AGO3: variants seen among roughly 807,000 people sequenced by gnomAD.
AGO3 encodes the protein protein argonaute-3.
Under a neutral mutation model 105.5 loss-of-function variants are expected in AGO3, and 16 were observed. That is an observed-to-expected ratio of 0.15 (90% CI 0.10 to 0.23). The LOEUF is 0.23. AGO3 is among the 10% of genes least tolerant of loss of function. The pLI, the probability that AGO3 is intolerant of heterozygous loss-of-function variation, is 1.00. For missense variants in AGO3, 534 were observed against 1,088.0 expected (o/e 0.49, Z 7.16); for synonymous variants, 340 against 367.3 (o/e 0.93, Z 0.85).
intron 1 of AGO3, among the ~76,000 whole-genome samples, chr1:35,931,850 G>A (rs1323882279): frequency 6.6e-6 from 1 of 152,204 alleles, no homozygotes; most frequent in Non-Finnish European, 1.5e-5. Context: ...TGTGAAGATA[G>A]GCTGAGATAA....
intron 5 of AGO3, among the ~76,000 whole-genome samples, chr1:35,990,721 A>G (rs993426710): frequency 5.9e-5 from 9 of 152,190 alleles, no homozygotes; most frequent in South Asian, 2.1e-4. Context: ...CTAGTAAATA[A>G]AAAATTCTAG....
At chr1:35,965,233 T>C (rs180959603) in intron 2 of AGO3, among the ~76,000 whole-genome samples, 171 of 152,020 alleles carry the variant, frequency 1.1e-3, no homozygotes, top group African/African-American at 3.9e-3. Flanking sequence ...GGCTCATGCC[T>C]CTAATCCCAG....
chr1:36,005,019 A>G (rs1640273713), intron 6 of AGO3, among the ~76,000 whole-genome samples: 1 of 152,168 alleles, frequency 6.6e-6, no homozygotes, highest in Admixed American at 6.6e-5. Flanking sequence ...AAATTTGTAC[A>G]GTGCTGTTGC....
intron 1 of AGO3, among the ~76,000 whole-genome samples, chr1:35,935,564 A>G (rs1267053914): frequency 6.6e-6 from 1 of 152,250 alleles, no homozygotes; most frequent in East Asian, 1.9e-4. Context: ...TCCAATGGGA[A>G]CATTGCGTTT....
intron 13 of AGO3, among the ~76,000 whole-genome samples, chr1:36,035,953 A>G (rs559510580): frequency 1.3e-5 from 2 of 151,536 alleles, no homozygotes; most frequent in Admixed American, 6.6e-5. Context: ...GAATGGCATG[A>G]ACTTGGGAGG....
chr1:36,048,749 G>A (rs548181361), intron 17 of AGO3, among the ~76,000 whole-genome samples: 35 of 152,260 alleles, frequency 2.3e-4, no homozygotes, highest in African/African-American at 8.4e-4. Flanking sequence ...GAGTACAGTG[G>A]TGCAATCTCA....
At chr1:35,931,507 C>T in intron 1 of AGO3, 62 bp downstream of exon 1, 3 of 1,340,942 alleles carry the variant, frequency 2.2e-6, no homozygotes, top group Non-Finnish European at 1.9e-6. Context: ...CTGAGCATCC[C>T]TGCTCCTCCC....
intron 14 of AGO3, among the ~76,000 whole-genome samples, chr1:36,039,252 T>G (rs2148848462): frequency 6.6e-6 from 1 of 152,178 alleles, no homozygotes; most frequent in South Asian, 2.1e-4. Context: ...TCCCAGCACT[T>G]TGGGAGGCCA....
At chr1:35,938,407 A>G (rs1557640542) in intron 1 of AGO3, among the ~76,000 whole-genome samples, 1 of 152,196 alleles carries the variant, frequency 6.6e-6, no homozygotes, top group African/African-American at 2.4e-5. Flanking sequence ...AGATGAAACC[A>G]TTGTTAACTC....
At chr1:35,943,925 T>A (rs1024872629) in intron 1 of AGO3, among the ~76,000 whole-genome samples, 1 of 152,192 alleles carries the variant, frequency 6.6e-6, no homozygotes, top group African/African-American at 2.4e-5. Flanking sequence ...TAACATAATA[T>A]CTTCAAAGTT....
At chr1:35,933,917 G>T (rs1646101570) in intron 1 of AGO3, among the ~76,000 whole-genome samples, 1 of 151,772 alleles carries the variant, frequency 6.6e-6, no homozygotes, top group South Asian at 2.1e-4. Flanking sequence ...GTTAGTATTT[G>T]TTCTTTCATA....
At position 35,994,042 on chromosome 1, in the gene AGO3, A is replaced by ATTTTTTTTTT. The variant is rs759085356; in HGVS notation, c.659-10282_659-10273dup. 2.7e-4 allele frequency among the ~76,000 whole-genome samples: 18 copies of ATTTTTTTTTT among 65,840 alleles called. 1 individual carries two copies. Among genetic ancestry groups the ATTTTTTTTTT allele is most frequent in the African/African-American group, 1.2e-3 (17 of 14,088 alleles). 43.2% of individuals were successfully genotyped at this position (65,840 alleles called of 152,430 possible). A position where few individuals can be genotyped will look rare whatever the true frequency, so the allele number is the denominator to read the frequency against. ...TACATGCGTGAGCCACTGCGCCCAG[A>ATTTTTTTTTT]TTTTTTTTTTTTTTTTTTTTTTTTT... is the stretch of plus-strand genomic sequence containing the variant. On this transcript the variant is annotated intron_variant, in intron 5 of 18. Coordinates refer to ENST00000373191, the MANE Select transcript of AGO3 (RefSeq NM_024852.4).
intron 5 of AGO3, among the ~76,000 whole-genome samples, chr1:35,979,091 G>A (rs1025411170): frequency 6.6e-5 from 10 of 152,100 alleles, no homozygotes; most frequent in South Asian, 2.1e-4. Context: ...GTGGCTGGGC[G>A]CGGTGGCTCA....
At chr1:35,937,295 C>G (rs997607860) in intron 1 of AGO3, among the ~76,000 whole-genome samples, 2 of 150,724 alleles carry the variant, frequency 1.3e-5, no homozygotes, top group South Asian at 4.2e-4. Flanking sequence ...ACCCGCTACT[C>G]GGGAGGCTGA....
Position 36,058,114 on chromosome 1 carries a change from T to C in AGO3, c.*2369T>C, listed in dbSNP as rs779457136. On this transcript the variant is annotated 3_prime_UTR_variant, in exon 19 of 19. Transcript: ENST00000373191. ...ATTATTTGCAAATAGATTGTGTTTA[T>C]TGAAGAATCATATTGGCTAGATGCC... 2 of 152,232 alleles carry C rather than the reference T, an allele frequency of 1.3e-5. No homozygotes were observed. The highest frequency in any genetic ancestry group is 2.4e-5 in the African/African-American group (1 of 41,464). 9.4% of individuals were successfully genotyped at this position (152,232 alleles called of 1,614,324 possible).
chr1:35,999,638 G>A (rs996629972), intron 5 of AGO3, among the ~76,000 whole-genome samples: 1 of 151,902 alleles, frequency 6.6e-6, no homozygotes, highest in Non-Finnish European at 1.5e-5. Context: ...GATCATAAGT[G>A]GTATATGTTT....
In AGO3 at chr1:36,039,492, CAAAAA is replaced by C. The variant is rs1048314282; in HGVS notation, c.1843-278_1843-274del. Among the ~76,000 whole-genome samples, 116 of 55,638 alleles carry C rather than the reference CAAAAA, an allele frequency of 2.1e-3. 1 individual carries two copies. Among genetic ancestry groups the C allele is most frequent in the African/African-American group, 5.4e-3 (104 of 19,086 alleles). The allele number at this position is 55,638 out of a possible 152,430, so 36.5% of individuals were successfully genotyped here. On this transcript the variant is annotated intron_variant, in intron 14 of 18. Coordinates refer to ENST00000373191, the MANE Select transcript of AGO3 (RefSeq NM_024852.4). Reference sequence around the variant, plus strand: ...CTGATGACAGAGCAAGACTGCGTCTCAAAAAAAAAAAAAAAAAAAAAAAAGAGAGA... The same window carrying C: ...CTGATGACAGAGCAAGACTGCGTCTCAAAAAAAAAAAAAAAAAAAGAGAGA...
intron 16 of AGO3, among the ~76,000 whole-genome samples, chr1:36,042,203 G>T (rs2148851605): frequency 6.6e-6 from 1 of 152,218 alleles, no homozygotes; most frequent in Admixed American, 6.5e-5. Context: ...TCAGGCCTCA[G>T]CCTCCTGAGT....
At chr1:35,941,461 ACTAT>A (rs1232478122) in intron 1 of AGO3, among the ~76,000 whole-genome samples, 1 of 152,198 alleles carries the variant, frequency 6.6e-6, no homozygotes, top group Non-Finnish European at 1.5e-5. Context: ...GAGGGCTGAC[ACTAT>A]CTAACTAACT....
Sources: allele counts gnomAD v4.1 joint callset (sites outside exome capture counted in the v4.1 genomes callset), GRCh38; gene constraint gnomAD v4.1.1; transcripts MANE v1.5; gene names NCBI Gene and HGNC (gene_info 2026-07-23, HGNC 2026-07-21).